The following STS variants were observed in gnomAD, a reference collection of about 807,000 sequenced individuals.
STS encodes steryl-sulfatase.
STS carries 7 observed loss-of-function variants against 26.8 expected under a neutral mutation model. The ratio of observed to expected loss-of-function variants is 0.26; its 90% CI spans 0.15 to 0.49. STS has a LOEUF of 0.49. STS is among the 20% of genes least tolerant of loss of function. The pLI is 0.98. For synonymous variants in STS, 199 were observed against 189.4 expected, an observed-to-expected ratio of 1.05 and a Z score of -0.42; for missense variants, 434 against 465.6, an observed-to-expected ratio of 0.93 and a Z score of 0.63.
At position 7,257,374 on chromosome X, in the gene STS, A is replaced by C; in HGVS notation, c.259+11A>C. The C allele has an allele frequency of 8.3e-7, 1 of 1,211,643 alleles. No homozygotes were observed. On this transcript the variant is annotated intron_variant, in intron 4 of 10. Coordinates refer to ENST00000674429, the MANE Select transcript of STS (RefSeq NM_001320752.2). ...ACCCTGTCCGATCAGGTAACCTCCT[A>C]TCTGCATCGCAGGGGCTGTGGTCAC... is the stretch of plus-strand genomic sequence containing the variant.
rs757603658 is a variant in STS at position 7,349,891 on chromosome X, C to T, written c.1367C>T (p.Thr456Ile). ...TTTCCATCCTTTTAAACCACAGGCA[C>T]ATCCATCTGGAAGGCCTTTTTCTTC... ...NAVRWHPQNS[T>I]SIWKAFFFTP... The change falls in exon 11 of 11, where the codon ACA (threonine) becomes ATA (isoleucine). Residue 456 changes from threonine to isoleucine, a missense_variant. Around this residue, in one of 2 missense-constraint regions of STS, gnomAD observed 205 missense variants for 177.3 expected, o/e 1.16. Coordinates refer to ENST00000674429, the MANE Select transcript of STS (RefSeq NM_001320752.2). 4 of 1,210,278 alleles carry T rather than the reference C, an allele frequency of 3.3e-6. No homozygotes were observed. In the South Asian group the frequency reaches 5.3e-5, roughly 16 times the overall value.
intron 7 of STS, among the ~76,000 whole-genome samples, chrX:7,279,571 A>G (rs1204924559): frequency 4.6e-5 from 5 of 108,241 alleles, no homozygotes; most frequent in Non-Finnish European, 5.7e-5. Flanking sequence ...TGTAATTTAA[A>G]TGATCCTTGG....
intron 7 of STS, among the ~76,000 whole-genome samples, chrX:7,288,924 T>C (rs1309320546): frequency 9.0e-6 from 1 of 111,594 alleles, no homozygotes; most frequent in Non-Finnish European, 1.9e-5. Flanking sequence ...TCTCTTCCCA[T>C]GAGGTCCAGC....
intron 1 of STS, among the ~76,000 whole-genome samples, chrX:7,185,991 C>T (rs943513090): frequency 8.9e-6 from 1 of 112,183 alleles, no homozygotes; most frequent in East Asian, 2.8e-4. Context: ...GGCACAAGAT[C>T]GGACAACAAG....
intron 7 of STS, among the ~76,000 whole-genome samples, chrX:7,279,507 G>C (rs1160361910): frequency 9.5e-6 from 1 of 105,713 alleles, no homozygotes; most frequent in Non-Finnish European, 1.9e-5. Context: ...TTCTGTTGAG[G>C]GGCAATAAAT....
At chrX:7,301,877 G>A (rs1443240798) in intron 7 of STS, among the ~76,000 whole-genome samples, 2 of 111,790 alleles carry the variant, frequency 1.8e-5, no homozygotes, top group Non-Finnish European at 3.8e-5. Context: ...TGCTTTTCAT[G>A]GCTTTATAGC....
rs59873673 is a variant in STS at position 7,237,213 on chromosome X, C to CAAAA, written c.-4-15971_-4-15968dup. 3.0e-3 allele frequency among the ~76,000 whole-genome samples: 233 copies of CAAAA among 78,212 alleles called. 1 individual carries two copies. The highest frequency in any genetic ancestry group is 0.01 in the African/African-American group (224 of 21,947). 67.9% of individuals were successfully genotyped at this position (78,212 alleles called of 115,157 possible). A position where few individuals can be genotyped will look rare whatever the true frequency, so the allele number is the denominator to read the frequency against. On this transcript the variant is annotated intron_variant, in intron 2 of 10. Transcript: ENST00000674429. ...CCCCCCCAAAAACCAAAGATTTGCT[C>CAAAA]AAAAAAAAAAAAAAAGACAAGTTCT... is the stretch of plus-strand genomic sequence containing the variant.
chrX:7,324,126 G>A (rs918448196), intron 8 of STS, among the ~76,000 whole-genome samples: 1 of 109,331 alleles, frequency 9.1e-6, no homozygotes, highest in Non-Finnish European at 1.9e-5. Context: ...TATGTAAGAT[G>A]TACATTGTTC....
At chrX:7,347,645 G>T (rs939129750) in intron 10 of STS, among the ~76,000 whole-genome samples, 19 of 111,488 alleles carry the variant, frequency 1.7e-4, no homozygotes, top group Non-Finnish European at 2.8e-4. Context: ...TATTCCAGGA[G>T]CCTGTATTCT....
At position 7,353,324 on chromosome X, in the gene STS, AG is replaced by A. The variant is rs1682196868; in HGVS notation, c.*3067del. The A allele has an allele frequency of 9.0e-6, 1 of 111,379 alleles. No individual in the cohort carries two copies. Among genetic ancestry groups the A allele is most frequent in the African/African-American group, 3.3e-5 (1 of 30,683 alleles). The allele number at this position is 111,379 out of a possible 1,213,427, so 9.2% of individuals were successfully genotyped here. On this transcript the variant is annotated 3_prime_UTR_variant, in exon 11 of 11. Transcript: ENST00000674429. The stretch of plus-strand genomic sequence containing the variant: ...AAGGCACACTCTCTAAGGCCTTTTA[AG>A]GGGCCTACAAAAATGTTTTATTTTA...
intron 10 of STS, among the ~76,000 whole-genome samples, chrX:7,347,084 G>A (rs989367342): frequency 6.3e-5 from 7 of 111,244 alleles, no homozygotes; most frequent in Non-Finnish European, 1.3e-4. Context: ...AATACAAATC[G>A]AAAATATAAA....
At chrX:7,198,659 G>T (rs1162700326) in intron 2 of STS, among the ~76,000 whole-genome samples, 1 of 112,438 alleles carries the variant, frequency 8.9e-6, no homozygotes, top group Non-Finnish European at 1.9e-5. Context: ...GTTCAGGAAT[G>T]AACGAGGGCA....
chrX:7,251,505 G>T (rs5934770), intron 2 of STS, among the ~76,000 whole-genome samples: 10,216 of 110,520 alleles, frequency 0.092, 461 homozygotes, highest in Non-Finnish European at 0.14. Context: ...AAGCTCACAT[G>T]CCAGTTCACA....
chrX:7,226,654 G>C (rs1216175112), intron 2 of STS, among the ~76,000 whole-genome samples: 6 of 111,637 alleles, frequency 5.4e-5, no homozygotes, highest in Non-Finnish European at 9.4e-5. Context: ...AGCACTTTGA[G>C]AGGCTGAGGT....
At chrX:7,153,305 C>G (rs1279962234) in intron 1 of STS, among the ~76,000 whole-genome samples, 2 of 106,338 alleles carry the variant, frequency 1.9e-5, no homozygotes, top group Non-Finnish European at 3.9e-5. Flanking sequence ...CCTTCCCTCT[C>G]TCCTTCCCTC....
intron 5 of STS, among the ~76,000 whole-genome samples, 182 bp downstream of exon 5, chrX:7,257,770 A>G (rs1437028966): frequency 2.7e-5 from 3 of 111,261 alleles, no homozygotes; most frequent in Non-Finnish European, 3.8e-5. Context: ...TTAAAACACA[A>G]TGAGCCTATC....
At chrX:7,239,660 A>G (rs1389096339) in intron 2 of STS, among the ~76,000 whole-genome samples, 1 of 111,859 alleles carries the variant, frequency 8.9e-6, no homozygotes, top group Non-Finnish European at 1.9e-5. Context: ...TTTTAAAGGG[A>G]AAATTATGCA....
chrX:7,261,693 C>T (rs748413344), intron 6 of STS, among the ~76,000 whole-genome samples: 2 of 111,747 alleles, frequency 1.8e-5, no homozygotes, highest in East Asian at 2.8e-4. Context: ...GGAGGTACAA[C>T]AGTGTCCTGC....
chrX:7,277,676 G>C (rs1390902127), intron 7 of STS, among the ~76,000 whole-genome samples: 1 of 111,431 alleles, frequency 9.0e-6, no homozygotes, highest in African/African-American at 3.3e-5. Flanking sequence ...ATAAAGTAAT[G>C]AGAGTGAGTA....
Sources: gnomAD v4.1 joint callset for allele counts (sites outside exome capture counted in the v4.1 genomes callset) on GRCh38, gnomAD v4.1.1 for gene constraint, gnomAD v4.1.1 regional missense constraint, MANE v1.5 for transcripts, NCBI Gene and HGNC (gene_info 2026-07-23, HGNC 2026-07-21) for gene names.